RUVBL2: variants seen among roughly 807,000 people sequenced by gnomAD.
The protein encoded by RUVBL2 is RuvB like AAA ATPase 2.
Under a neutral mutation model 57.9 loss-of-function variants are expected in RUVBL2, and 9 were observed. The ratio of observed to expected loss-of-function variants is 0.16; its 90% CI spans 0.09 to 0.27. The LOEUF (loss-of-function observed/expected upper bound fraction) is 0.27. Ranked by LOEUF, RUVBL2 falls within the 10% of genes least tolerant of loss-of-function variation. The probability of loss-of-function intolerance (pLI) is 1.00; values close to 1 mark genes in which losing one functional copy is unlikely to be tolerated. For missense variants in RUVBL2, 456 were observed against 669.6 expected, an observed-to-expected ratio of 0.68 and a Z score of 3.52; for synonymous variants, 278 against 264.6, an observed-to-expected ratio of 1.05 and a Z score of -0.49.
Position 49,015,853 on chromosome 19 carries a change from A to G in RUVBL2, c.*11A>G. 1.2e-6 allele frequency: 2 copies of G among 1,614,152 alleles called. No individual in the cohort carries two copies. Among genetic ancestry groups the G allele is most frequent in the Non-Finnish European group, 1.7e-6 (2 of 1,180,020 alleles). ...ATGGACACCTCCTGAGTTGGATGTC[A>G]TCCCCCGACCCCACCCTGTTTTCCA... On this transcript the variant is annotated 3_prime_UTR_variant, in exon 15 of 15. Coordinates refer to ENST00000595090, the MANE Select transcript of RUVBL2 (RefSeq NM_006666.3).
intron 2 of RUVBL2, among the ~76,000 whole-genome samples, chr19:49,000,401 A>G (rs1001193721): frequency 4.6e-5 from 7 of 152,098 alleles, no homozygotes; most frequent in Non-Finnish European, 7.4e-5. Context: ...CTAAAAATAC[A>G]AAAATTTGCT....
In RUVBL2 at chr19:49,011,043, G is replaced by A; in HGVS notation, c.832G>A (p.Ala278Thr). 4 of 1,612,756 alleles carry A rather than the reference G, an allele frequency of 2.5e-6. No individual in the cohort carries two copies. Among genetic ancestry groups the A allele is most frequent in the Non-Finnish European group, 3.4e-6 (4 of 1,179,656 alleles). Residue 278 changes from alanine to threonine, a missense_variant, in exon 10 of 15, where the codon GCC becomes ACC. This residue lies in a region of RUVBL2 where 130 missense variants were observed against 243.0 expected (regional missense o/e 0.53). Coordinates refer to ENST00000595090, the MANE Select transcript of RUVBL2 (RefSeq NM_006666.3). The surrounding 1 kb of genome is among the most constrained non-coding windows in gnomAD (Gnocchi z 4.4). ...IKSEVREQIN[A>T]KVAEWREEGK... ...GTCAGAAGTCCGTGAGCAGATCAAT[G>A]CCAAGGTGGCTGAGTGGCGCGAGGA...
rs764297724 is a variant in RUVBL2 at position 49,010,499 on chromosome 19, G to A, written c.675G>A (p.Val225=). 4 of 1,251,902 alleles carry A rather than the reference G, an allele frequency of 3.2e-6. No individual in the cohort carries two copies. In the Admixed American group the frequency reaches 5.7e-5, roughly 18 times the overall value. 77.5% of individuals were successfully genotyped at this position (1,251,902 alleles called of 1,614,324 possible). Reference sequence around the variant, plus strand: ...CCCCCGCCCCATAGACCAAGTTCGTGCAGTGCCCAGATGGGGAGCTCCAGA... The same window carrying A: ...CCCCCGCCCCATAGACCAAGTTCGTACAGTGCCCAGATGGGGAGCTCCAGA... ...YDAMGSQTKF[V]QCPDGELQKR... Residue 225 remains valine, a synonymous_variant, in exon 9 of 15, where the codon GTG becomes GTA. Transcript: ENST00000595090.
At chr19:49,014,896 A>G in intron 12 of RUVBL2, 125 bp from the exon 13 acceptor site, 4 of 1,336,080 alleles carry the variant, frequency 3.0e-6, no homozygotes, top group Non-Finnish European at 4.0e-6. Context: ...TCAGCATTCT[A>G]TGGTTCTAAG....
chr19:49,003,347 A>T lies in RUVBL2; in HGVS notation c.123+13A>T, dbSNP rs768637279. On this transcript the variant is annotated intron_variant, in intron 3 of 14. Transcript: ENST00000595090. Reference sequence around the variant, plus strand: ...GGAGCCTCGGCAGGTAGAGCAGAGGAGGCTGGGGTGTGAGGGCCTCTCCAT... The same window carrying T: ...GGAGCCTCGGCAGGTAGAGCAGAGGTGGCTGGGGTGTGAGGGCCTCTCCAT... 5.0e-5 allele frequency: 80 copies of T among 1,613,274 alleles called. No homozygotes were observed. Among genetic ancestry groups the T allele is most frequent in the Admixed American group, 1.0e-4 (6 of 59,980 alleles).
rs2287758 is a variant in RUVBL2 at position 49,010,769 on chromosome 19, C to G, written c.787+158C>G. ...TGCCTCTGTTCTCCACCTGCAAGTC[C>G]GCTCCGTCCCCACCCCTGCTGGTGC... On this transcript the variant is annotated intron_variant, in intron 9 of 14. Transcript: ENST00000595090. 9.4e-4 allele frequency among the ~76,000 whole-genome samples: 142 copies of G among 151,448 alleles called. 1 individual carries two copies. Among genetic ancestry groups the G allele is most frequent in the South Asian group, 3.7e-3 (18 of 4,820 alleles).
chr19:49,012,028 GGA>G (rs2039439889), intron 11 of RUVBL2, among the ~76,000 whole-genome samples: 1 of 152,170 alleles, frequency 6.6e-6, no homozygotes, highest in African/African-American at 2.4e-5. Context: ...GGAAGCAGGG[GGA>G]TGTGGAGGGC....
chr19:49,009,864 A>G lies in RUVBL2; in HGVS notation c.551A>G (p.Lys184Arg). The change falls in exon 7 of 15, where the codon AAG (lysine) becomes AGG (arginine). Residue 184 changes from lysine to arginine, a missense_variant. Lys to Arg is a conservative substitution (Grantham distance 26). Transcript: ENST00000595090. The part of the protein sequence containing the change: ...LGTKMIESLT[K>R]DKVQAGDVIT... Reference sequence around the variant, plus strand: ...ACCAAGATGATTGAGTCCCTGACCAAGGACAAGGTCCAGGCCGGGTGAGCA... The same window carrying G: ...ACCAAGATGATTGAGTCCCTGACCAGGGACAAGGTCCAGGCCGGGTGAGCA... 1 of 1,614,018 alleles carries G rather than the reference A, an allele frequency of 6.2e-7. No homozygotes were observed. The highest frequency in any genetic ancestry group is 8.5e-7 in the Non-Finnish European group (1 of 1,179,974).
chr19:49,004,096 A>G (rs1401042176), intron 3 of RUVBL2, 181 bp from the exon 4 acceptor site: 2 of 776,106 alleles, frequency 2.6e-6, no homozygotes, highest in Non-Finnish European at 3.9e-6. Context: ...AGCCTGGGTG[A>G]CAGAGCGAGA....
intron 6 of RUVBL2, among the ~76,000 whole-genome samples, chr19:49,007,935 C>T (rs1479449132): frequency 6.6e-6 from 1 of 151,526 alleles, no homozygotes; most frequent in African/African-American, 2.4e-5. Flanking sequence ...TCTTGAACTC[C>T]TGACCTCGTG....
intron 8 of RUVBL2, 21 bp from the exon 9 acceptor site, chr19:49,010,467 T>TCGCCC: frequency 1.4e-6 from 2 of 1,401,206 alleles, no homozygotes; most frequent in Non-Finnish European, 2.0e-6. Context: ...CCGCCGTTCT[T>TCGCCC]CCCCCACCCC....
intron 11 of RUVBL2, 78 bp from the exon 12 acceptor site, chr19:49,014,406 G>A (rs547663737): frequency 1.9e-6 from 3 of 1,539,912 alleles, no homozygotes; most frequent in East Asian, 2.3e-5. Flanking sequence ...GTGGCGATGG[G>A]AGGTGAGAGT....
intron 6 of RUVBL2, among the ~76,000 whole-genome samples, chr19:49,007,741 G>C (rs181562835): frequency 1.7e-3 from 253 of 151,672 alleles, no homozygotes; most frequent in African/African-American, 5.8e-3. Flanking sequence ...GTCTCCCTCT[G>C]TCCCCCAGAC....
At chr19:49,010,764 A>G (rs1313843998) in intron 9 of RUVBL2, among the ~76,000 whole-genome samples, 153 bp downstream of exon 9, 1 of 151,836 alleles carries the variant, frequency 6.6e-6, no homozygotes, top group Non-Finnish European at 1.5e-5. Context: ...CTCCACCTGC[A>G]AGTCCGCTCC....
chr19:49,002,758 T>C (rs1468313098), intron 2 of RUVBL2, among the ~76,000 whole-genome samples: 1 of 151,908 alleles, frequency 6.6e-6, no homozygotes. Flanking sequence ...CTAATTTTTG[T>C]ATTTTTAGTA....
chr19:49,006,328 A>T (rs1301326933), intron 4 of RUVBL2, among the ~76,000 whole-genome samples: 2 of 152,232 alleles, frequency 1.3e-5, no homozygotes, highest in African/African-American at 4.8e-5. Flanking sequence ...GTTCAGAGCT[A>T]TTGCTGGAGA....
intron 4 of RUVBL2, among the ~76,000 whole-genome samples, chr19:49,006,816 AC>A (rs2039289764): frequency 6.6e-6 from 1 of 152,100 alleles, no homozygotes. Context: ...CTGGCTTCTC[AC>A]TCACTGTCTG....
chr19:48,998,117 G>C (rs1209498150), intron 1 of RUVBL2, among the ~76,000 whole-genome samples: 2 of 152,186 alleles, frequency 1.3e-5, no homozygotes, highest in Non-Finnish European at 2.9e-5. Flanking sequence ...CGGGCTCCCA[G>C]GGAGGCCTTT....
At chr19:49,009,336 A>G (rs2039354809) in intron 6 of RUVBL2, among the ~76,000 whole-genome samples, 1 of 150,904 alleles carries the variant, frequency 6.6e-6, no homozygotes, top group Admixed American at 6.6e-5. Flanking sequence ...AAAATACAAA[A>G]ATTAGCCATG....
Sources: allele counts gnomAD v4.1 joint callset (sites outside exome capture counted in the v4.1 genomes callset), GRCh38; gene constraint gnomAD v4.1.1; regional missense constraint gnomAD v4.1.1; non-coding constraint Gnocchi (gnomAD v3.1); transcripts MANE v1.5; gene names NCBI Gene and HGNC (gene_info 2026-07-23, HGNC 2026-07-21).